PARVA: variants seen among roughly 807,000 people sequenced by gnomAD.
PARVA encodes alpha-parvin.
A neutral mutation model predicts 52.6 loss-of-function variants in PARVA; 25 were observed. That is an observed-to-expected ratio of 0.48 (90% CI 0.35 to 0.66). PARVA has a LOEUF of 0.66. Among genes scored for constraint, PARVA ranks in the 30% least tolerant of loss-of-function variants. The probability of loss-of-function intolerance (pLI) is 0.01; values close to 1 mark genes in which losing one functional copy is unlikely to be tolerated. For synonymous variants in PARVA, 185 were observed against 179.1 expected, an observed-to-expected ratio of 1.03 and a Z score of -0.26; for missense variants, 373 against 450.9, an observed-to-expected ratio of 0.83 and a Z score of 1.56.
intron 4 of PARVA, 37 bp from the exon 5 acceptor site, chr11:12,496,421 G>A (rs763258639): frequency 6.3e-7 from 1 of 1,590,320 alleles, no homozygotes; most frequent in South Asian, 1.2e-5. Context: ...CTGGGGCCCA[G>A]CATAACAGCT....
rs1294350478 is a variant in PARVA, at chr11:12,533,872, G to C, written c.*5947G>C. On this transcript the variant is annotated 3_prime_UTR_variant, in exon 13 of 13. Transcript: ENST00000334956. ...TGCTGTCTGAGGGGTGGCAGAGGCAGAAAAAAAATCCATGGGCCGAGCACG... is the reference window on the plus strand; with the variant it reads ...TGCTGTCTGAGGGGTGGCAGAGGCACAAAAAAAATCCATGGGCCGAGCACG... 6.6e-6 allele frequency among the ~76,000 whole-genome samples: 1 copy of C among 151,668 alleles called. No homozygotes were observed.
chr11:12,503,591 G>A (rs1041816325), intron 5 of PARVA, among the ~76,000 whole-genome samples: 7 of 152,064 alleles, frequency 4.6e-5, no homozygotes, highest in African/African-American at 9.7e-5. Flanking sequence ...AGGGGGCCAG[G>A]CATGGTGGCA....
chr11:12,429,728 C>T (rs543388141), intron 1 of PARVA, among the ~76,000 whole-genome samples: 5 of 152,130 alleles, frequency 3.3e-5, no homozygotes, highest in South Asian at 2.1e-4. Context: ...CCATTTATGC[C>T]GGTGGTTGCA....
chr11:12,478,779 A>T (rs1287846025), intron 4 of PARVA: 1 of 152,188 alleles, frequency 6.6e-6, no homozygotes, highest in Non-Finnish European at 1.5e-5. Context: ...CTATTGAAAA[A>T]ACTTCCAAAC....
intron 1 of PARVA, among the ~76,000 whole-genome samples, chr11:12,453,947 C>A (rs1940659590): frequency 6.6e-6 from 1 of 152,214 alleles, no homozygotes; most frequent in Non-Finnish European, 1.5e-5. Context: ...GTCCTTTGTG[C>A]TGTCATCACA....
chr11:12,415,312 G>A (rs558382732), intron 1 of PARVA, among the ~76,000 whole-genome samples: 1 of 152,292 alleles, frequency 6.6e-6, no homozygotes, highest in Admixed American at 6.5e-5. Context: ...AAAGTTTCGT[G>A]TGTCATATGC....
At chr11:12,413,284 A>G (rs1243855001) in intron 1 of PARVA, among the ~76,000 whole-genome samples, 1 of 152,238 alleles carries the variant, frequency 6.6e-6, no homozygotes, top group Non-Finnish European at 1.5e-5. Flanking sequence ...ACCCTTTCCA[A>G]TCACCCAAAC....
intron 12 of PARVA, among the ~76,000 whole-genome samples, chr11:12,524,323 TCA>T (rs1480604912): frequency 4.6e-5 from 7 of 152,208 alleles, no homozygotes; most frequent in Admixed American, 2.6e-4. Flanking sequence ...ACTGCCAGGG[TCA>T]CACAGCTGTA....
At chr11:12,516,580 TA>T (rs1941570691) in intron 10 of PARVA, among the ~76,000 whole-genome samples, 2 of 152,194 alleles carry the variant, frequency 1.3e-5, no homozygotes, top group Non-Finnish European at 2.9e-5. Flanking sequence ...CTCTTCTGCC[TA>T]GGAAGGGACC....
rs113609371 is a variant in PARVA at position 12,414,030 on chromosome 11, T to C, written c.136+36247T>C. On this transcript the variant is annotated intron_variant, in intron 1 of 12. Transcript: ENST00000334956. Reference sequence around the variant, plus strand: ...TGTACCCTGCCTTTGGCTGGGCCCCTGGGATTCCAGGGCCACACGGCAGCC... The same window carrying C: ...TGTACCCTGCCTTTGGCTGGGCCCCCGGGATTCCAGGGCCACACGGCAGCC... Among the ~76,000 whole-genome samples the C allele has an allele frequency of 2.2e-3, 340 of 152,314 alleles. 1 individual carries two copies. The highest frequency in any genetic ancestry group is 8.0e-3 in the African/African-American group (331 of 41,570).
intron 4 of PARVA, among the ~76,000 whole-genome samples, chr11:12,483,480 T>G (rs773736235): frequency 6.6e-6 from 1 of 152,132 alleles, no homozygotes; most frequent in Non-Finnish European, 1.5e-5. Flanking sequence ...TAACAACACA[T>G]CTCAGAATCA....
Position 12,533,533 on chromosome 11 carries a change from C to T in PARVA, c.*5608C>T, listed in dbSNP as rs1042038574. ...CTTTCATATGAAAGTACGGTTGATC[C>T]TTGAATGATATGGGCACCGACCCCT... On this transcript the variant is annotated 3_prime_UTR_variant, in exon 13 of 13. Transcript: ENST00000334956. Among the ~76,000 whole-genome samples, 7 of 152,096 alleles carry T rather than the reference C, an allele frequency of 4.6e-5. No homozygotes were observed. Among genetic ancestry groups the T allele is most frequent in the African/African-American group, 1.4e-4 (6 of 41,418 alleles).
rs117556875 is a variant in PARVA, at chr11:12,461,429, C to T, written c.137-12316C>T. Among the ~76,000 whole-genome samples the T allele has an allele frequency of 2.6e-4, 40 of 152,334 alleles. No homozygotes were observed. In the East Asian group the frequency reaches 7.3e-3, roughly 28 times the overall value. ...CACTTCTTCTCTAAGTAGGAGCAGA[C>T]TTTTAAACCAAGGAAATGGTTCTCA... is the stretch of plus-strand genomic sequence containing the variant. On this transcript the variant is annotated intron_variant, in intron 1 of 12. Transcript: ENST00000334956.
intron 12 of PARVA, among the ~76,000 whole-genome samples, chr11:12,522,789 TA>T (rs59606718): frequency 0.63 from 93,417 of 147,310 alleles, 29,294 homozygotes; most frequent in East Asian, 0.68. Context: ...GTAAAACTGT[TA>T]AAAAAAAAAA....
At chr11:12,410,514 A>G (rs1398199585) in intron 1 of PARVA, among the ~76,000 whole-genome samples, 2 of 152,254 alleles carry the variant, frequency 1.3e-5, no homozygotes, top group African/African-American at 4.8e-5. Flanking sequence ...GGTTGGGTCT[A>G]GATCCGAAGG....
chr11:12,459,764 T>A (rs185844587), intron 1 of PARVA, among the ~76,000 whole-genome samples: 1 of 152,192 alleles, frequency 6.6e-6, no homozygotes, highest in African/African-American at 2.4e-5. Context: ...ATATAAAACA[T>A]AGACACACTT....
chr11:12,447,552 A>G (rs1461044798), intron 1 of PARVA, among the ~76,000 whole-genome samples: 2 of 152,322 alleles, frequency 1.3e-5, no homozygotes, highest in East Asian at 3.9e-4. Context: ...CTGGGACAGC[A>G]GCTCCCATAA....
intron 1 of PARVA, among the ~76,000 whole-genome samples, chr11:12,431,541 A>G (rs541666503): frequency 6.6e-6 from 1 of 152,332 alleles, no homozygotes; most frequent in African/African-American, 2.4e-5. Context: ...CAGTCCTGAC[A>G]TGTTCCCAGA....
chr11:12,384,577 C>T (rs1214816443), intron 1 of PARVA, among the ~76,000 whole-genome samples: 2 of 152,052 alleles, frequency 1.3e-5, no homozygotes, highest in Non-Finnish European at 2.9e-5. Flanking sequence ...GGATGGTTGT[C>T]AGTATTAAGT....
Sources: allele counts gnomAD v4.1 joint callset (sites outside exome capture counted in the v4.1 genomes callset), GRCh38; gene constraint gnomAD v4.1.1; transcripts MANE v1.5; gene names NCBI Gene and HGNC (gene_info 2026-07-23, HGNC 2026-07-21).